SLFN12L: variants seen among roughly 807,000 people sequenced by gnomAD.
SLFN12L encodes the protein schlafen family member 12 like.
In SLFN12L, 34 loss-of-function variants were observed where a neutral mutation model predicts 34.8. That is an observed-to-expected ratio of 0.98 (90% CI 0.74 to 1.30). The LOEUF (loss-of-function observed/expected upper bound fraction) is 1.30. SLFN12L is among the 50% of genes most tolerant of loss of function. SLFN12L has a pLI of 0.00. For synonymous variants in SLFN12L, 259 were observed against 247.5 expected (o/e 1.05, Z -0.44); for missense variants, 703 against 696.2 (o/e 1.01, Z -0.11).
chr17:35,522,207 A>G, intron 2 of SLFN12L, 72 bp downstream of exon 2: 1 of 1,580,954 alleles, frequency 6.3e-7, no homozygotes, highest in Non-Finnish European at 8.6e-7. Context: ...TTTTCAAGGG[A>G]CAAGGTGACT....
chr17:35,498,296 T>C (rs1419289305), intron 2 of SLFN12L: 5 of 812,782 alleles, frequency 6.2e-6, no homozygotes, highest in Non-Finnish European at 1.1e-5. Context: ...ACTCAGACGG[T>C]CCCCTGAAGC....
intron 2 of SLFN12L, among the ~76,000 whole-genome samples, chr17:35,492,553 A>G (rs957829683): frequency 2.0e-5 from 3 of 152,206 alleles, no homozygotes; most frequent in Non-Finnish European, 4.4e-5. Flanking sequence ...GGGCTGGAAT[A>G]GTTCTGGCCA....
rs371179692 is a variant in SLFN12L, at chr17:35,467,494, G to A, written c.*7429C>T. The stretch of plus-strand genomic sequence containing the variant: ...ACATTGCAAAATACACACTGAATGG[G>A]CTCCCGAAACAAACAGGCATTCAAT... On this transcript the variant is annotated 3_prime_UTR_variant, in exon 5 of 5. Transcript: ENST00000628453. Among the ~76,000 whole-genome samples the A allele has an allele frequency of 6.6e-6, 1 of 152,150 alleles. No individual in the cohort carries two copies. The highest frequency in any genetic ancestry group is 1.5e-5 in the Non-Finnish European group (1 of 68,028).
At position 35,511,178 on chromosome 17, in the gene SLFN12L, A is replaced by G. The variant is rs917910857; in HGVS notation, c.86+11101T>C. On this transcript the variant is annotated intron_variant, in intron 2 of 4. Coordinates refer to ENST00000628453, the MANE Select transcript of SLFN12L (RefSeq NM_001363830.2). ...ATGCAGAGTTCTTTTCTTTTTCTCCAATCCCTTTAATAGTCACTTAAACAA... is the reference window on the plus strand; with the variant it reads ...ATGCAGAGTTCTTTTCTTTTTCTCCGATCCCTTTAATAGTCACTTAAACAA... 4.6e-5 allele frequency among the ~76,000 whole-genome samples: 7 copies of G among 152,288 alleles called. No individual in the cohort carries two copies. In the East Asian group the frequency reaches 1.3e-3, roughly 29 times the overall value.
intron 2 of SLFN12L, chr17:35,498,251 A>G: frequency 3.9e-6 from 3 of 778,766 alleles, no homozygotes; most frequent in Non-Finnish European, 7.1e-6. Context: ...TCCAGATGGC[A>G]GTGTCCTGCT....
intron 2 of SLFN12L, among the ~76,000 whole-genome samples, chr17:35,513,799 C>T (rs989132025): frequency 5.9e-5 from 9 of 152,040 alleles, no homozygotes; most frequent in Admixed American, 3.9e-4. Context: ...TAGATCATCG[C>T]GGTTACCTTA....
intron 2 of SLFN12L, among the ~76,000 whole-genome samples, chr17:35,507,702 G>A (rs1408706505): frequency 1.3e-5 from 2 of 152,226 alleles, no homozygotes; most frequent in Admixed American, 1.3e-4. Flanking sequence ...AGTTATAATA[G>A]TAATAGAAAC....
At chr17:35,496,200 C>T (rs1239586490) in intron 2 of SLFN12L, among the ~76,000 whole-genome samples, 5 of 151,998 alleles carry the variant, frequency 3.3e-5, no homozygotes, top group African/African-American at 1.2e-4. Context: ...AACTATTCCT[C>T]AGTCCAGGCA....
At chr17:35,508,537 A>T (rs1915539709) in intron 2 of SLFN12L, among the ~76,000 whole-genome samples, 1 of 152,056 alleles carries the variant, frequency 6.6e-6, no homozygotes, top group African/African-American at 2.4e-5. Context: ...TTTAGTAGAG[A>T]CGGGGTTTCA....
At chr17:35,533,884 C>T (rs2072434164) in intron 1 of SLFN12L, among the ~76,000 whole-genome samples, 2 of 151,714 alleles carry the variant, frequency 1.3e-5, no homozygotes, top group Non-Finnish European at 2.9e-5. Context: ...AGTTCGAGAC[C>T]AGCCTGGCCA....
chr17:35,497,247 TG>T (rs1458707992), intron 2 of SLFN12L, among the ~76,000 whole-genome samples: 1 of 151,976 alleles, frequency 6.6e-6, no homozygotes, highest in African/African-American at 2.4e-5. Flanking sequence ...AAACATTAGC[TG>T]GGCGTGGTGG....
chr17:35,491,125 T>G, intron 2 of SLFN12L: 1 of 776,388 alleles, frequency 1.3e-6, no homozygotes, highest in Non-Finnish European at 2.4e-6. Context: ...ATTTGTGAAC[T>G]TACTGCCTCC....
intron 2 of SLFN12L, among the ~76,000 whole-genome samples, chr17:35,492,270 C>G (rs1187153412): frequency 1.3e-5 from 2 of 152,144 alleles, no homozygotes; most frequent in Admixed American, 1.3e-4. Context: ...GAGCTTGGAG[C>G]GAGTCAGTCC....
intron 2 of SLFN12L, among the ~76,000 whole-genome samples, chr17:35,481,774 G>A (rs551909134): frequency 2.6e-5 from 4 of 152,310 alleles, no homozygotes; most frequent in East Asian, 1.9e-4. Flanking sequence ...CTCCGCACAC[G>A]AGGAGAAAAA....
intron 2 of SLFN12L, chr17:35,498,484 A>G (rs1052147083): frequency 5.8e-6 from 7 of 1,204,088 alleles, no homozygotes; most frequent in Non-Finnish European, 8.7e-6. Flanking sequence ...CCGCATAGCC[A>G]CGAAGTGATG....
At chr17:35,524,870 C>T (rs914452136) in intron 1 of SLFN12L, among the ~76,000 whole-genome samples, 1 of 151,998 alleles carries the variant, frequency 6.6e-6, no homozygotes, top group Non-Finnish European at 1.5e-5. Context: ...GACAAATTGA[C>T]AGACGTAGGC....
At chr17:35,490,152 C>G in intron 2 of SLFN12L, 1 of 1,606,950 alleles carries the variant, frequency 6.2e-7, no homozygotes, top group Non-Finnish European at 8.5e-7. Context: ...CCGCAGGGAC[C>G]CTCCAGCAGA....
rs1462526091 is a variant in SLFN12L at position 35,467,031 on chromosome 17, C to T, written c.*7892G>A. Among the ~76,000 whole-genome samples, 1 of 152,202 alleles carries T rather than the reference C, an allele frequency of 6.6e-6. No individual in the cohort carries two copies. The highest frequency in any genetic ancestry group is 1.9e-4 in the East Asian group (1 of 5,192). ...TTGTCTCTAACCTGTCTCAAGGAGG[C>T]TACCAAGTCCTGGGCTCTCTAGCAT... On this transcript the variant is annotated 3_prime_UTR_variant, in exon 5 of 5. Coordinates refer to ENST00000628453, the MANE Select transcript of SLFN12L (RefSeq NM_001363830.2).
At chr17:35,524,040 A>G (rs1378421618) in intron 1 of SLFN12L, among the ~76,000 whole-genome samples, 1 of 152,222 alleles carries the variant, frequency 6.6e-6, no homozygotes, top group Non-Finnish European at 1.5e-5. Flanking sequence ...CAAGATTTGT[A>G]AGTGGTAATT....
Sources: allele counts gnomAD v4.1 joint callset (sites outside exome capture counted in the v4.1 genomes callset), GRCh38; gene constraint gnomAD v4.1.1; transcripts MANE v1.5; gene names NCBI Gene and HGNC (gene_info 2026-07-23, HGNC 2026-07-21).